ATXN1: variants seen among roughly 807,000 people sequenced by gnomAD.
ATXN1 encodes the protein ataxin 1, also known as ataxin-1.
A neutral mutation model predicts 56.4 loss-of-function variants in ATXN1; 8 were observed. The observed-to-expected ratio is 0.14, with a 90% CI of 0.08 to 0.26. The LOEUF is 0.26. ATXN1 is among the 10% of genes least tolerant of loss of function. ATXN1 has a pLI of 1.00. For synonymous variants in ATXN1, 514 were observed against 494.6 expected (o/e 1.04, Z -0.52); for missense variants, 987 against 1,106.5 (o/e 0.89, Z 1.53).
At chr6:16,651,370 C>T (rs1249950184) in intron 3 of ATXN1, among the ~76,000 whole-genome samples, 1 of 152,068 alleles carries the variant, frequency 6.6e-6, no homozygotes, top group Non-Finnish European at 1.5e-5. Flanking sequence ...TGGTGAAACC[C>T]CATCTCTACC....
At chr6:16,430,544 T>A (rs1759258079) in intron 6 of ATXN1, among the ~76,000 whole-genome samples, 1 of 152,248 alleles carries the variant, frequency 6.6e-6, no homozygotes, top group Non-Finnish European at 1.5e-5. Flanking sequence ...TGTTGTTACT[T>A]ACACAGATGT....
chr6:16,685,774 T>C (rs1396506487), intron 2 of ATXN1, among the ~76,000 whole-genome samples: 2 of 152,180 alleles, frequency 1.3e-5, no homozygotes, highest in Non-Finnish European at 2.9e-5. Context: ...AAATGTTCTC[T>C]AAGCATTATC....
rs1201008304 is a variant in ATXN1, at chr6:16,306,655, G to C, written c.2122C>G (p.Leu708Val). Residue 708 changes from leucine (L) to valine (V), a missense_variant, in exon 8 of 8, where the codon CTG becomes GTG. Transcript: ENST00000436367. The surrounding 1 kb of genome is among the most constrained non-coding windows in gnomAD (Gnocchi z 5.2). ...GQPVDPASVL[L>V]KHSKADGLAG... is the part of the protein sequence containing the mutation. ...AGGCCGTCGGCCTTTGAGTGCTTCA[G>C]CAGGACGCTGGCGGGATCCACGGGC... The C allele has an allele frequency of 1.9e-6, 3 of 1,614,252 alleles. No individual in the cohort carries two copies. The highest frequency in any genetic ancestry group is 4.5e-5 in the East Asian group (2 of 44,886).
At chr6:16,738,127 G>A (rs987765534) in intron 2 of ATXN1, 3 of 152,138 alleles carry the variant, frequency 2.0e-5, no homozygotes, top group Non-Finnish European at 4.4e-5. Context: ...AAATATTTCA[G>A]GAGTAATAGA....
intron 6 of ATXN1, among the ~76,000 whole-genome samples, chr6:16,433,321 C>A (rs1394160240): frequency 6.6e-6 from 1 of 152,204 alleles, no homozygotes; most frequent in Non-Finnish European, 1.5e-5. Flanking sequence ...CTGAATACTT[C>A]TTTTTGGGAA....
At chr6:16,584,922 T>C (rs1432553464) in intron 4 of ATXN1, among the ~76,000 whole-genome samples, 3 of 152,114 alleles carry the variant, frequency 2.0e-5, no homozygotes, top group Non-Finnish European at 4.4e-5. Context: ...GCTATAAGAA[T>C]ATTTTTGGCA....
intron 6 of ATXN1, among the ~76,000 whole-genome samples, chr6:16,331,602 C>T (rs1276991189): frequency 1.3e-5 from 2 of 152,156 alleles, no homozygotes; most frequent in African/African-American, 4.8e-5. Flanking sequence ...AAAATGAGAA[C>T]ATTTGCATAT....
At chr6:16,713,768 A>G (rs974060569) in intron 2 of ATXN1, among the ~76,000 whole-genome samples, 1 of 152,250 alleles carries the variant, frequency 6.6e-6, no homozygotes, top group Non-Finnish European at 1.5e-5. Context: ...CTATTAAATC[A>G]GAACCCCTGG....
chr6:16,410,173 G>A lies in ATXN1; in HGVS notation c.-161+75799C>T, dbSNP rs1758768806. Among the ~76,000 whole-genome samples, 1 of 152,216 alleles carries A rather than the reference G, an allele frequency of 6.6e-6. No homozygotes were observed. The highest frequency in any genetic ancestry group is 2.4e-5 in the African/African-American group (1 of 41,456). On this transcript the variant is annotated intron_variant, in intron 6 of 7. Coordinates refer to ENST00000436367, the MANE Select transcript of ATXN1 (RefSeq NM_001128164.2). The surrounding 1 kb of genome is among the most constrained non-coding windows in gnomAD (Gnocchi z 4.6). ...GGCCTCTTGCTTACTATGACGCCGT[G>A]TGAATCACAGCATCTAGCGGCCCTC...
At chr6:16,349,511 A>C (rs1193665430) in intron 6 of ATXN1, among the ~76,000 whole-genome samples, 2 of 150,668 alleles carry the variant, frequency 1.3e-5, no homozygotes, top group African/African-American at 5.0e-5. Context: ...CAAAAAAGAA[A>C]GAAAGAAAAA....
At chr6:16,372,876 C>A (rs1762071333) in intron 6 of ATXN1, among the ~76,000 whole-genome samples, 1 of 152,172 alleles carries the variant, frequency 6.6e-6, no homozygotes, top group East Asian at 1.9e-4. Flanking sequence ...TGATTGCACA[C>A]TGCACTCCAG....
At chr6:16,400,527 C>T (rs1252989658) in intron 6 of ATXN1, among the ~76,000 whole-genome samples, 1 of 152,232 alleles carries the variant, frequency 6.6e-6, no homozygotes, top group Non-Finnish European at 1.5e-5. Flanking sequence ...TTCCTATTTG[C>T]CCTCAACCCA....
rs139523054 is a variant in ATXN1 at position 16,734,102 on chromosome 6, A to T, written c.-615+19131T>A. ...CAGAGTGAGACCCCATATAAAAAAA[A>T]AATGTCTATAGACTATAGAGTTAAG... On this transcript the variant is annotated intron_variant, in intron 2 of 7. Transcript: ENST00000436367. Among the ~76,000 whole-genome samples, 14 of 152,324 alleles carry T rather than the reference A, an allele frequency of 9.2e-5. No homozygotes were observed. In the East Asian group the frequency reaches 2.5e-3, roughly 27 times the overall value.
chr6:16,654,857 C>T (rs899226256), intron 3 of ATXN1, among the ~76,000 whole-genome samples: 1 of 152,154 alleles, frequency 6.6e-6, no homozygotes, highest in Non-Finnish European at 1.5e-5. Flanking sequence ...CCAGATAACA[C>T]TGTGTTTGCA....
intron 3 of ATXN1, among the ~76,000 whole-genome samples, chr6:16,634,848 T>A (rs1386277602): frequency 2.0e-5 from 3 of 152,198 alleles, no homozygotes; most frequent in African/African-American, 7.2e-5. Context: ...AGCTCAGTAC[T>A]TGGAGACACA....
At chr6:16,447,215 T>A (rs77076128) in intron 6 of ATXN1, among the ~76,000 whole-genome samples, 2,112 of 152,314 alleles carry the variant, frequency 0.014, 37 homozygotes, top group African/African-American at 0.043. Context: ...TTGTATTTTT[T>A]AAAAATTTTT....
intron 6 of ATXN1, among the ~76,000 whole-genome samples, chr6:16,484,322 T>C (rs1196277123): frequency 6.6e-6 from 1 of 152,120 alleles, no homozygotes; most frequent in African/African-American, 2.4e-5. Context: ...TGGTCCCAGC[T>C]ACTCTGAAGG....
chr6:16,480,998 G>T (rs1222323246), intron 6 of ATXN1, among the ~76,000 whole-genome samples: 1 of 152,150 alleles, frequency 6.6e-6, no homozygotes, highest in African/African-American at 2.4e-5. Context: ...CACACCAGGG[G>T]CAATGGCCAG....
chr6:16,652,304 A>G (rs571962635), intron 3 of ATXN1, among the ~76,000 whole-genome samples: 20 of 152,188 alleles, frequency 1.3e-4, no homozygotes, highest in Non-Finnish European at 2.9e-4. Flanking sequence ...TCCTATTTAC[A>G]TCTGTTCCAA....
Sources: allele counts gnomAD v4.1 joint callset (sites outside exome capture counted in the v4.1 genomes callset), GRCh38; gene constraint gnomAD v4.1.1; non-coding constraint Gnocchi (gnomAD v3.1); transcripts MANE v1.5; gene names NCBI Gene and HGNC (gene_info 2026-07-23, HGNC 2026-07-21).